Variants in KMT5C observed in about 807,000 individuals in gnomAD.
The protein encoded by KMT5C is histone-lysine N-methyltransferase KMT5C.
In KMT5C, 16 loss-of-function variants were observed where a neutral mutation model predicts 38.2. That is an observed-to-expected ratio of 0.42 (90% CI 0.28 to 0.64). The LOEUF (loss-of-function observed/expected upper bound fraction) is 0.64. Among genes scored for constraint, KMT5C ranks in the 30% least tolerant of loss-of-function variants. The pLI is 0.23. For missense variants in KMT5C, 598 were observed against 665.1 expected (o/e 0.90, Z 1.11); for synonymous variants, 291 against 279.0 (o/e 1.04, Z -0.43).
intron 1 of KMT5C, among the ~76,000 whole-genome samples, chr19:55,341,152 T>C (rs894417378): frequency 3.3e-5 from 5 of 152,190 alleles, no homozygotes; most frequent in African/African-American, 1.2e-4. Flanking sequence ...TTTAAAAAAA[T>C]GTTTTTGTAA....
Position 55,347,092 on chromosome 19 carries a change from A to G in KMT5C, c.1032A>G (p.Pro344=), listed in dbSNP as rs755897698. The G allele has an allele frequency of 6.4e-7, 1 of 1,567,334 alleles. No individual in the cohort carries two copies. Among genetic ancestry groups the G allele is most frequent in the Admixed American group, 1.8e-5 (1 of 55,260 alleles). Reference sequence around the variant, plus strand: ...GACGCCCCCGGCCCCGGAGGGCCCCAGTGCTCTCCACCCACCACGCTGCCC... The same window carrying G: ...GACGCCCCCGGCCCCGGAGGGCCCCGGTGCTCTCCACCCACCACGCTGCCC... ...KRRRPRPRRA[P]VLSTHHAARV... Residue 344 remains proline, a synonymous_variant, in exon 9 of 9, where the codon CCA becomes CCG. Transcript: ENST00000255613. This position sits in a 1 kb window ranked among gnomAD's most constrained non-coding sequence, Gnocchi z 4.6.
At chr19:55,345,819 G>A (rs1251053099) in intron 6 of KMT5C, among the ~76,000 whole-genome samples, 1 of 152,196 alleles carries the variant, frequency 6.6e-6, no homozygotes, top group East Asian at 1.9e-4. Flanking sequence ...GGCAGAGCTC[G>A]GACCTCAGCT....
Position 55,341,846 on chromosome 19 carries a change from G to A in KMT5C, c.-91G>A. 3.2e-6 allele frequency: 3 copies of A among 925,948 alleles called. No individual in the cohort carries two copies. The highest frequency in any genetic ancestry group is 5.3e-6 in the Non-Finnish European group (3 of 568,914). The allele number at this position is 925,948 out of a possible 1,614,324, so 57.4% of individuals were successfully genotyped here. On this transcript the variant is annotated 5_prime_UTR_variant, in exon 2 of 9. It adds an upstream start codon to the 5' untranslated region. Coordinates refer to ENST00000255613, the MANE Select transcript of KMT5C (RefSeq NM_032701.4). The stretch of plus-strand genomic sequence containing the variant: ...CCCATGGCTTCTGAGTAGCGTGGGA[G>A]TGGAGTCAGCACCAAGCCAGGCTCC...
At position 55,343,344 on chromosome 19, in the gene KMT5C, G is replaced by A; in HGVS notation, c.387-336G>A. The A allele has an allele frequency of 2.6e-6, 1 of 382,426 alleles. No homozygotes were observed. The highest frequency in any genetic ancestry group is 4.9e-6 in the Non-Finnish European group (1 of 204,842). The allele number at this position is 382,426 out of a possible 1,614,324, so 23.7% of individuals were successfully genotyped here. A position where few individuals can be genotyped will look rare whatever the true frequency, so the allele number is the denominator to read the frequency against. Reference sequence around the variant, plus strand: ...TGACAGGGGAAGCACCCGCCTGAGGGTCTGGTGGGGCGAGTAGGGGGTAGT... The same window carrying A: ...TGACAGGGGAAGCACCCGCCTGAGGATCTGGTGGGGCGAGTAGGGGGTAGT... On this transcript the variant is annotated intron_variant, in intron 4 of 8. Coordinates refer to ENST00000255613, the MANE Select transcript of KMT5C (RefSeq NM_032701.4). The surrounding 1 kb of genome is among the most constrained non-coding windows in gnomAD (Gnocchi z 5.5).
chr19:55,346,989 G>A lies in KMT5C; in HGVS notation c.929G>A (p.Ser310Asn). ...CAGCCCCTGCGCCTGCCAGCCTGCA[G>A]CGCCCGCCCAGACACCTCACCCCTC... ...ACQPLRLPACSARPDTSPLWL... is the reference protein window; with the variant it reads ...ACQPLRLPACNARPDTSPLWL... Residue 310 changes from serine (S) to asparagine (N), a missense_variant, in exon 9 of 9, where the codon AGC becomes AAC. Ser to Asn is a conservative substitution (Grantham distance 46). Transcript: ENST00000255613. 1 of 1,199,572 alleles carries A rather than the reference G, an allele frequency of 8.3e-7. No individual in the cohort carries two copies. 74.3% of individuals were successfully genotyped at this position (1,199,572 alleles called of 1,614,324 possible). A position where few individuals can be genotyped will look rare whatever the true frequency, so the allele number is the denominator to read the frequency against.
At chr19:55,346,815 G>A (rs529531309) in intron 8 of KMT5C, 128 bp downstream of exon 8, 72 of 601,634 alleles carry the variant, frequency 1.2e-4, no homozygotes, top group Middle Eastern at 6.5e-4. Context: ...GGCAGGCCTC[G>A]CTGTTGAGCA....
chr19:55,341,713 C>T (rs1394303027), intron 1 of KMT5C, 81 bp from the exon 2 acceptor site: 2 of 576,090 alleles, frequency 3.5e-6, no homozygotes, highest in African/African-American at 1.9e-5. Context: ...TGGGCTTTCC[C>T]TACTCTCAGA....
chr19:55,344,612 C>A, intron 6 of KMT5C: 1 of 471,758 alleles, frequency 2.1e-6, no homozygotes, highest in Admixed American at 2.4e-5. Flanking sequence ...GGCAGGGAGG[C>A]AGGGCCCTGT....
In KMT5C at chr19:55,347,564, T is replaced by C; in HGVS notation, c.*115T>C. The C allele has an allele frequency of 7.0e-7, 1 of 1,422,096 alleles. No homozygotes were observed. The highest frequency in any genetic ancestry group is 9.2e-7 in the Non-Finnish European group (1 of 1,090,430). The allele number at this position is 1,422,096 out of a possible 1,614,324, so 88.1% of individuals were successfully genotyped here. ...AGGGAGCTGACCCTTGACTCCAGCA[T>C]AGCTCTGACCCTGGAATGGGGTTGG... On this transcript the variant is annotated 3_prime_UTR_variant, in exon 9 of 9. Coordinates refer to ENST00000255613, the MANE Select transcript of KMT5C (RefSeq NM_032701.4). This position sits in a 1 kb window ranked among gnomAD's most constrained non-coding sequence, Gnocchi z 4.6.
rs79215683 is a variant in KMT5C, at chr19:55,347,110, C to G, written c.1050C>G (p.His350Gln). ...PRRAPVLSTH[H>Q]AARVSLHRWG... is the part of the protein sequence containing the mutation. ...GGGCCCCAGTGCTCTCCACCCACCACGCTGCCCGCGTCTCCCTGCACCGAT... is the reference window on the plus strand; with the variant it reads ...GGGCCCCAGTGCTCTCCACCCACCAGGCTGCCCGCGTCTCCCTGCACCGAT... The change falls in exon 9 of 9, where the codon CAC becomes CAG. Residue 350 changes from histidine to glutamine, a missense_variant. This residue lies in a region of KMT5C where 326 missense variants were observed against 298.1 expected (regional missense o/e 1.09). Transcript: ENST00000255613. The surrounding 1 kb of genome is among the most constrained non-coding windows in gnomAD (Gnocchi z 4.6). The G allele has an allele frequency of 1.3e-6, 2 of 1,552,968 alleles. No homozygotes were observed. The highest frequency in any genetic ancestry group is 1.7e-6 in the Non-Finnish European group (2 of 1,156,738).
At chr19:55,346,724 C>G (rs2089623520) in intron 8 of KMT5C, 37 bp downstream of exon 8, 3 of 1,451,678 alleles carry the variant, frequency 2.1e-6, no homozygotes, top group Non-Finnish European at 2.8e-6. Flanking sequence ...CAGCCCCTCC[C>G]CTGTCTGCTC....
chr19:55,342,415 G>C (rs199616957), intron 3 of KMT5C, 35 bp downstream of exon 3: 1 of 1,420,120 alleles, frequency 7.0e-7, no homozygotes. Flanking sequence ...CCCTCACCGC[G>C]TGTCCTCCCC....
chr19:55,342,443 C>A, intron 3 of KMT5C, 63 bp downstream of exon 3: 1 of 1,310,762 alleles, frequency 7.6e-7, no homozygotes, highest in Non-Finnish European at 1.0e-6. Flanking sequence ...GGGCCTGGTC[C>A]CGCCTGGCAG....
Position 55,347,581 on chromosome 19 carries a change from T to C in KMT5C, c.*132T>C, listed in dbSNP as rs2089636956. ...CTCCAGCATAGCTCTGACCCTGGAATGGGGTTGGTTTGGACACCCCCAGGG... is the reference window on the plus strand; with the variant it reads ...CTCCAGCATAGCTCTGACCCTGGAACGGGGTTGGTTTGGACACCCCCAGGG... On this transcript the variant is annotated 3_prime_UTR_variant, in exon 9 of 9. Transcript: ENST00000255613. The surrounding 1 kb of genome is among the most constrained non-coding windows in gnomAD (Gnocchi z 4.6). The C allele has an allele frequency of 1.4e-6, 2 of 1,392,662 alleles. No homozygotes were observed. Among genetic ancestry groups the C allele is most frequent in the Non-Finnish European group, 1.9e-6 (2 of 1,071,798 alleles). 86.3% of individuals were successfully genotyped at this position (1,392,662 alleles called of 1,614,324 possible).
intron 6 of KMT5C, 123 bp downstream of exon 6, chr19:55,344,120 A>G: frequency 9.5e-7 from 1 of 1,052,566 alleles, no homozygotes; most frequent in South Asian, 1.5e-5. Context: ...CATGCCTGTA[A>G]TCCCAGCACT....
Position 55,343,719 on chromosome 19 carries a change from T to C in KMT5C, c.426T>C (p.Ile142=). Residue 142 remains isoleucine (I), a synonymous_variant, in exon 5 of 9, where the codon ATT becomes ATC. Coordinates refer to ENST00000255613, the MANE Select transcript of KMT5C (RefSeq NM_032701.4). The surrounding 1 kb of genome is among the most constrained non-coding windows in gnomAD (Gnocchi z 5.5). ...NEKLELLVGC[I]AELREADEGL... is the part of the protein sequence containing the mutation. The stretch of plus-strand genomic sequence containing the variant: ...AGCTGGAGCTGCTGGTGGGCTGCAT[T>C]GCAGAGCTGCGGGAGGCAGATGAGG... 6.4e-7 allele frequency: 1 copy of C among 1,571,980 alleles called. No homozygotes were observed. Among genetic ancestry groups the C allele is most frequent in the Non-Finnish European group, 8.6e-7 (1 of 1,158,280 alleles).
At chr19:55,340,936 C>A (rs1327876853) in intron 1 of KMT5C, among the ~76,000 whole-genome samples, 1 of 152,044 alleles carries the variant, frequency 6.6e-6, no homozygotes. Context: ...CTGCAGCGCC[C>A]CCTCTTTCTC....
chr19:55,341,781 C>T lies in KMT5C; in HGVS notation c.-143-13C>T. ...CTGGTGAAGTCAGCACTGCTTTTCTCCCCATTTTGCAGATGAGATCGTGGG... is the reference window on the plus strand; with the variant it reads ...CTGGTGAAGTCAGCACTGCTTTTCTTCCCATTTTGCAGATGAGATCGTGGG... On this transcript the variant is annotated splice_polypyrimidine_tract_variant and intron_variant, in intron 1 of 8. Transcript: ENST00000255613. 4 of 630,114 alleles carry T rather than the reference C, an allele frequency of 6.3e-6. No individual in the cohort carries two copies. The highest frequency in any genetic ancestry group is 2.7e-5 in the East Asian group (1 of 36,518). 39.0% of individuals were successfully genotyped at this position (630,114 alleles called of 1,614,324 possible).
chr19:55,342,376 C>A lies in KMT5C; in HGVS notation c.272C>A (p.Thr91Asn), dbSNP rs1335152077. ...CCGCGGCAGGAGGCTGCCCTCAAGA[C>A]CCACGTGAGGGCGCCCTCCCCTCCC... ...RGPRQEAALKTHVYRYLRAFL... is the reference protein window; with the variant it reads ...RGPRQEAALKNHVYRYLRAFL... The change falls in exon 3 of 9, where the codon ACC becomes AAC. Residue 91 changes from threonine to asparagine, a missense_variant. By Grantham distance (65) the Thr-to-Asn change is moderately conservative (BLOSUM62 0). This residue lies in a region of KMT5C where 167 missense variants were observed against 187.8 expected (regional missense o/e 0.89). Transcript: ENST00000255613. 1.3e-6 allele frequency: 2 copies of A among 1,511,886 alleles called. No homozygotes were observed. The highest frequency in any genetic ancestry group is 1.8e-6 in the Non-Finnish European group (2 of 1,130,776). 93.7% of individuals were successfully genotyped at this position (1,511,886 alleles called of 1,614,324 possible).
Sources: allele counts gnomAD v4.1 joint callset (sites outside exome capture counted in the v4.1 genomes callset), GRCh38; gene constraint gnomAD v4.1.1; regional missense constraint gnomAD v4.1.1; non-coding constraint Gnocchi (gnomAD v3.1); transcripts MANE v1.5; gene names NCBI Gene and HGNC (gene_info 2026-07-23, HGNC 2026-07-21).